Variants in GBE1 observed in about 807,000 individuals in gnomAD.
GBE1 encodes 1,4-alpha-glucan branching enzyme 1, also known as 1,4-alpha-glucan-branching enzyme.
GBE1 carries 70 observed loss-of-function variants against 88.8 expected under a neutral mutation model. The observed-to-expected ratio is 0.79, with a 90% confidence interval of 0.65 to 0.96. The LOEUF (loss-of-function observed/expected upper bound fraction) is 0.96. Ranked by LOEUF, GBE1 falls within the 40% of genes least tolerant of loss-of-function variation. The probability of loss-of-function intolerance (pLI) is 0.00; values close to 1 mark genes in which losing one functional copy is unlikely to be tolerated. For synonymous variants in GBE1, 284 were observed against 300.1 expected (o/e 0.95, Z 0.56); for missense variants, 872 against 871.0 (o/e 1.00, Z -0.01).
At chr3:81,758,545 C>G (rs1262960592) in intron 1 of GBE1, among the ~76,000 whole-genome samples, 1 of 152,208 alleles carries the variant, frequency 6.6e-6, no homozygotes, top group Non-Finnish European at 1.5e-5. Flanking sequence ...GGAGGGCCCT[C>G]TGGCTGACTC....
intron 2 of GBE1, among the ~76,000 whole-genome samples, chr3:81,682,451 G>C (rs774891389): frequency 1.3e-5 from 2 of 152,020 alleles, no homozygotes; most frequent in East Asian, 3.9e-4. Flanking sequence ...GGTAGAGCAA[G>C]GCTCTTTCTC....
chr3:81,587,748 G>A (rs369141159), intron 9 of GBE1, among the ~76,000 whole-genome samples: 12 of 152,218 alleles, frequency 7.9e-5, no homozygotes, highest in African/African-American at 2.9e-4. Flanking sequence ...GAGTGAATGA[G>A]TGAGGTGCTC....
rs201282148 is a variant in GBE1, at chr3:81,551,032, ACT to A, written c.1619-13939_1619-13938del. ...GGGACCCTTTTCTGGTAACAGATTC[ACT>A]GTTTTAAAACAAAATGCTTTGGTCT... is the stretch of plus-strand genomic sequence containing the variant. On this transcript the variant is annotated intron_variant, in intron 12 of 15. Transcript: ENST00000429644. Among the ~76,000 whole-genome samples, 1,097 of 152,198 alleles carry A rather than the reference ACT, an allele frequency of 7.2e-3. 12 individuals carry two copies. Among genetic ancestry groups the A allele is most frequent in the African/African-American group, 0.025 (1,040 of 41,538 alleles).
intron 12 of GBE1, among the ~76,000 whole-genome samples, chr3:81,574,869 A>T (rs1389681744): frequency 6.6e-6 from 1 of 152,188 alleles, no homozygotes. Context: ...AGTGTTTTAG[A>T]AAGTATAGAA....
intron 1 of GBE1, among the ~76,000 whole-genome samples, chr3:81,742,913 T>G (rs1050279761): frequency 1.7e-4 from 26 of 152,016 alleles, no homozygotes; most frequent in Admixed American, 1.7e-3. Flanking sequence ...AAAGAATTAC[T>G]CCCAACTGTT....
intron 7 of GBE1, among the ~76,000 whole-genome samples, chr3:81,618,882 G>C (rs1704286031): frequency 6.6e-6 from 1 of 151,956 alleles, no homozygotes; most frequent in African/African-American, 2.4e-5. Context: ...CTACTCATCA[G>C]TCATTTTCTC....
rs150343333 is a variant in GBE1, at chr3:81,753,446, T to C, written c.143+7929A>G. 2.6e-5 allele frequency among the ~76,000 whole-genome samples: 4 copies of C among 152,358 alleles called. No individual in the cohort carries two copies. The East Asian group carries it at 7.7e-4, about 29-fold the overall frequency. ...ATAAATGTATAATCAAAGTTTAATA[T>C]GTGCTTTCAAATAACAGCAGTATGA... is the stretch of plus-strand genomic sequence containing the variant. On this transcript the variant is annotated intron_variant, in intron 1 of 15. Transcript: ENST00000429644.
chr3:81,734,658 T>C (rs952208086), intron 1 of GBE1, among the ~76,000 whole-genome samples: 1 of 152,144 alleles, frequency 6.6e-6, no homozygotes, highest in African/African-American at 2.4e-5. Context: ...AGCCATATTA[T>C]GATGAGATCA....
Position 81,628,742 on chromosome 3 carries a change from CATATAT to C in GBE1, c.992+14033_992+14038del, listed in dbSNP as rs71108330. ...AAATATAAAGGAGAAAGAACAATTG[CATATAT>C]ATATATATATATATATATATATATA... is the stretch of plus-strand genomic sequence containing the variant. On this transcript the variant is annotated intron_variant, in intron 7 of 15. Transcript: ENST00000429644. Among the ~76,000 whole-genome samples, 439 of 65,404 alleles carry C rather than the reference CATATAT, an allele frequency of 6.7e-3. 8 individuals are homozygous for C. The highest frequency in any genetic ancestry group is 0.02 in the Middle Eastern group (2 of 100). The allele number at this position is 65,404 out of a possible 152,430, so 42.9% of individuals were successfully genotyped here.
At chr3:81,632,737 C>T (rs1405824737) in intron 7 of GBE1, among the ~76,000 whole-genome samples, 1 of 152,062 alleles carries the variant, frequency 6.6e-6, no homozygotes, top group East Asian at 1.9e-4. Context: ...TTTACTTTTT[C>T]CTGGCATCTT....
intron 12 of GBE1, among the ~76,000 whole-genome samples, chr3:81,556,905 CACTT>C (rs1322504042): frequency 5.3e-5 from 8 of 151,816 alleles, no homozygotes; most frequent in Admixed American, 5.3e-4. Flanking sequence ...TGTAATATGT[CACTT>C]ACAATGTGTA....
chr3:81,496,330 C>T (rs1027925182), intron 15 of GBE1, among the ~76,000 whole-genome samples: 9 of 152,200 alleles, frequency 5.9e-5, no homozygotes, highest in South Asian at 2.1e-4. Flanking sequence ...AACGCTAGAA[C>T]GGTACCTGCT....
chr3:81,585,433 G>A (rs547035000), intron 10 of GBE1, among the ~76,000 whole-genome samples: 7 of 151,706 alleles, frequency 4.6e-5, no homozygotes, highest in Admixed American at 3.3e-4. Context: ...CATGAATGTC[G>A]ACATGGCTGC....
At chr3:81,753,403 T>C (rs1706559348) in intron 1 of GBE1, among the ~76,000 whole-genome samples, 1 of 152,260 alleles carries the variant, frequency 6.6e-6, no homozygotes, top group Non-Finnish European at 1.5e-5. Flanking sequence ...TACACTTTCA[T>C]ATTTTCCTTT....
chr3:81,534,977 C>T (rs1243479863), intron 14 of GBE1: 2 of 464,900 alleles, frequency 4.3e-6, no homozygotes, highest in Non-Finnish European at 7.6e-6. Context: ...TGCACTAACC[C>T]CTCTGTTTAA....
chr3:81,620,111 A>C (rs1327302906), intron 7 of GBE1, among the ~76,000 whole-genome samples: 1 of 152,074 alleles, frequency 6.6e-6, no homozygotes, highest in Admixed American at 6.6e-5. Flanking sequence ...TAAATCAATG[A>C]CATAAAACAG....
intron 7 of GBE1, among the ~76,000 whole-genome samples, chr3:81,626,375 A>T (rs1704416925): frequency 6.6e-6 from 1 of 152,234 alleles, no homozygotes; most frequent in Non-Finnish European, 1.5e-5. Context: ...TCCTAAAGGT[A>T]AAATCAAAAG....
At chr3:81,548,024 T>C (rs1443468464) in intron 12 of GBE1, among the ~76,000 whole-genome samples, 1 of 151,460 alleles carries the variant, frequency 6.6e-6, no homozygotes, top group East Asian at 1.9e-4. Context: ...TGGTCTCTGC[T>C]GTCACAATGG....
intron 1 of GBE1, among the ~76,000 whole-genome samples, chr3:81,742,283 C>T (rs765036027): frequency 2.0e-5 from 3 of 151,872 alleles, no homozygotes; most frequent in South Asian, 2.1e-4. Context: ...TGAACTTGAA[C>T]GTTATAAAAA....
Sources: gnomAD v4.1 joint callset for allele counts (sites outside exome capture counted in the v4.1 genomes callset) on GRCh38, gnomAD v4.1.1 for gene constraint, MANE v1.5 for transcripts, NCBI Gene and HGNC (gene_info 2026-07-23, HGNC 2026-07-21) for gene names.